Variants in PTPRR observed in about 807,000 individuals in gnomAD.
PTPRR encodes the protein receptor-type tyrosine-protein phosphatase R.
Under a neutral mutation model 77.2 loss-of-function variants are expected in PTPRR, and 38 were observed. That is an observed-to-expected ratio of 0.49 (90% CI 0.38 to 0.65). The LOEUF (loss-of-function observed/expected upper bound fraction) is 0.65. PTPRR is among the 30% of genes least tolerant of loss of function. The probability of loss-of-function intolerance (pLI) is 0.00; values close to 1 mark genes in which losing one functional copy is unlikely to be tolerated. For synonymous variants in PTPRR, 299 were observed against 283.1 expected (o/e 1.06, Z -0.57); for missense variants, 744 against 799.2 (o/e 0.93, Z 0.83).
At chr12:70,773,949 T>C (rs933891563) in intron 2 of PTPRR, among the ~76,000 whole-genome samples, 1 of 152,228 alleles carries the variant, frequency 6.6e-6, no homozygotes, top group African/African-American at 2.4e-5. Flanking sequence ...AGTAGCATTA[T>C]ACTGTTAAGC....
chr12:70,915,385 A>G (rs74642159), intron 1 of PTPRR, among the ~76,000 whole-genome samples: 111 of 152,330 alleles, frequency 7.3e-4, no homozygotes, highest in African/African-American at 2.5e-3. Context: ...GTGATTTTCA[A>G]TGGAATATGT....
At chr12:70,856,573 A>G (rs1331589552) in intron 2 of PTPRR, among the ~76,000 whole-genome samples, 1 of 152,186 alleles carries the variant, frequency 6.6e-6, no homozygotes, top group Non-Finnish European at 1.5e-5. Context: ...CCATTATAGA[A>G]TATGAGTAAT....
chr12:70,768,603 C>G (rs1439905203), intron 2 of PTPRR, among the ~76,000 whole-genome samples: 3 of 152,158 alleles, frequency 2.0e-5, no homozygotes, highest in Non-Finnish European at 4.4e-5. Flanking sequence ...GGTACCATTC[C>G]TTCTGAAACT....
At chr12:70,695,004 CA>C (rs1371884080) in intron 8 of PTPRR, among the ~76,000 whole-genome samples, 6 of 151,968 alleles carry the variant, frequency 3.9e-5, no homozygotes, top group African/African-American at 1.5e-4. Context: ...GTTTACACTG[CA>C]AAATAATTTG....
chr12:70,688,309 A>G (rs1207024247), intron 8 of PTPRR, among the ~76,000 whole-genome samples: 3 of 152,180 alleles, frequency 2.0e-5, no homozygotes. Flanking sequence ...TACCTTAAGA[A>G]GGGGCTAATA....
At chr12:70,745,735 T>A in intron 6 of PTPRR, 83 bp downstream of exon 6, 2 of 1,444,362 alleles carry the variant, frequency 1.4e-6, no homozygotes, top group Non-Finnish European at 1.9e-6. Flanking sequence ...ATTATGTCAA[T>A]CATTACTAGT....
chr12:70,800,898 A>T (rs1274214901), intron 2 of PTPRR, among the ~76,000 whole-genome samples: 6 of 123,184 alleles, frequency 4.9e-5, no homozygotes, highest in Non-Finnish European at 8.2e-5. Context: ...TCCATCTCAT[A>T]AAAAAAAAAA....
chr12:70,805,130 A>G (rs1891686768), intron 2 of PTPRR, among the ~76,000 whole-genome samples: 1 of 152,080 alleles, frequency 6.6e-6, no homozygotes, highest in East Asian at 1.9e-4. Context: ...TTTCTAAACC[A>G]AAAGTATAGG....
intron 2 of PTPRR, among the ~76,000 whole-genome samples, chr12:70,872,333 A>G (rs954797435): frequency 6.6e-6 from 1 of 152,116 alleles, no homozygotes; most frequent in African/African-American, 2.4e-5. Context: ...CCTTGCATAC[A>G]ATATATTGCC....
At chr12:70,845,297 T>G (rs931772774) in intron 2 of PTPRR, among the ~76,000 whole-genome samples, 1 of 152,126 alleles carries the variant, frequency 6.6e-6, no homozygotes, top group Non-Finnish European at 1.5e-5. Context: ...GGGAACATAT[T>G]AGGAAGGAAT....
At chr12:70,733,427 CA>C (rs764791536) in intron 6 of PTPRR, among the ~76,000 whole-genome samples, 18 of 27,042 alleles carry the variant, frequency 6.7e-4, no homozygotes, top group Non-Finnish European at 5.5e-4. Flanking sequence ...CAAACAACAA[CA>C]AAAAAAAAAA....
chr12:70,790,197 T>A (rs2137008883), intron 2 of PTPRR, among the ~76,000 whole-genome samples: 1 of 152,284 alleles, frequency 6.6e-6, no homozygotes, highest in East Asian at 1.9e-4. Context: ...TAATCTCCTT[T>A]ATAAACAAAG....
intron 6 of PTPRR, among the ~76,000 whole-genome samples, chr12:70,701,573 A>T (rs1043776611): frequency 6.6e-6 from 1 of 152,232 alleles, no homozygotes; most frequent in Non-Finnish European, 1.5e-5. Flanking sequence ...GCATATACTT[A>T]TTACAGAAAT....
chr12:70,671,349 T>A (rs993092572), intron 10 of PTPRR, among the ~76,000 whole-genome samples: 1 of 152,114 alleles, frequency 6.6e-6, no homozygotes, highest in Non-Finnish European at 1.5e-5. Flanking sequence ...TATTGTAATA[T>A]TTGGGATTAT....
In PTPRR at chr12:70,665,364, C is replaced by CTTTTTTTTTTTTTTT. The variant is rs72472808; in HGVS notation, c.1498-2774_1498-2760dup. Reference sequence around the variant, plus strand: ...GATGTAACACAAAGCAATGCAAATTCTTTTTTTTTTTTTTTTTTTTTTTTT... The same window carrying CTTTTTTTTTTTTTTT: ...GATGTAACACAAAGCAATGCAAATTCTTTTTTTTTTTTTTTTTTTTTTTTTTTTTTTTTTTTTTTT... On this transcript the variant is annotated intron_variant, in intron 10 of 13. Transcript: ENST00000283228. Among the ~76,000 whole-genome samples the CTTTTTTTTTTTTTTT allele has an allele frequency of 6.5e-4, 29 of 44,604 alleles. 4 individuals carry two copies. Among genetic ancestry groups the CTTTTTTTTTTTTTTT allele is most frequent in the South Asian group, 2.5e-3 (2 of 792 alleles). 29.3% of individuals were successfully genotyped at this position (44,604 alleles called of 152,430 possible). A position where few individuals can be genotyped will look rare whatever the true frequency, so the allele number is the denominator to read the frequency against.
chr12:70,829,459 A>G (rs748084222), intron 2 of PTPRR, among the ~76,000 whole-genome samples: 5 of 152,154 alleles, frequency 3.3e-5, no homozygotes, highest in African/African-American at 4.8e-5. Flanking sequence ...ATCTGTGAAT[A>G]TAACTTGGGA....
At chr12:70,775,704 C>T (rs926635205) in intron 2 of PTPRR, among the ~76,000 whole-genome samples, 1 of 152,198 alleles carries the variant, frequency 6.6e-6, no homozygotes, top group African/African-American at 2.4e-5. Flanking sequence ...TCCCAACAGC[C>T]ACAAAAGGAC....
At chr12:70,771,141 A>T (rs1030576119) in intron 2 of PTPRR, among the ~76,000 whole-genome samples, 5 of 150,102 alleles carry the variant, frequency 3.3e-5, no homozygotes, top group African/African-American at 1.2e-4. Flanking sequence ...GTACCCTAAA[A>T]CTTAAAGTAT....
chr12:70,659,281 G>A (rs1264140256), intron 12 of PTPRR, among the ~76,000 whole-genome samples: 2 of 152,112 alleles, frequency 1.3e-5, no homozygotes, highest in Admixed American at 6.5e-5. Flanking sequence ...GGCGGTGAGA[G>A]CATGGGGGAA....
Sources: gnomAD v4.1 joint callset for allele counts (sites outside exome capture counted in the v4.1 genomes callset) on GRCh38, gnomAD v4.1.1 for gene constraint, MANE v1.5 for transcripts, NCBI Gene and HGNC (gene_info 2026-07-23, HGNC 2026-07-21) for gene names.